PREX2: variants seen among roughly 807,000 people sequenced by gnomAD.
PREX2 encodes the protein phosphatidylinositol 3,4,5-trisphosphate-dependent Rac exchanger 2 protein.
A neutral mutation model predicts 203.2 loss-of-function variants in PREX2; 107 were observed. The ratio of observed to expected loss-of-function variants is 0.53; its 90% CI spans 0.45 to 0.62. The LOEUF (loss-of-function observed/expected upper bound fraction) is 0.62. PREX2 is among the 20% of genes least tolerant of loss of function. The pLI is 0.00. For missense variants in PREX2, 1,777 were observed against 1,955.9 expected (o/e 0.91, Z 1.72); for synonymous variants, 672 against 663.6 (o/e 1.01, Z -0.19).
intron 1 of PREX2, among the ~76,000 whole-genome samples, chr8:67,965,674 T>C (rs1222373159): frequency 2.0e-5 from 3 of 152,164 alleles, no homozygotes; most frequent in Non-Finnish European, 4.4e-5. Context: ...TGATCACTAT[T>C]CTTGAGAGTG....
At chr8:67,968,460 A>G (rs1420234125) in intron 1 of PREX2, among the ~76,000 whole-genome samples, 1 of 152,210 alleles carries the variant, frequency 6.6e-6, no homozygotes, top group Non-Finnish European at 1.5e-5. Context: ...AAATAGCTTT[A>G]TTACCATCAT....
intron 1 of PREX2, among the ~76,000 whole-genome samples, chr8:67,974,673 T>C (rs1216810008): frequency 6.6e-6 from 1 of 152,180 alleles, no homozygotes; most frequent in South Asian, 2.1e-4. Context: ...TGAGAATTTA[T>C]TTGGAACTCA....
chr8:68,044,332 A>G (rs1053393822), intron 7 of PREX2, among the ~76,000 whole-genome samples, 155 bp from the exon 8 acceptor site: 13 of 152,152 alleles, frequency 8.5e-5, no homozygotes, highest in African/African-American at 3.1e-4. Context: ...GCTGTTATGA[A>G]TGGGAGGACA....
At chr8:68,073,989 A>G (rs552137028) in intron 14 of PREX2, among the ~76,000 whole-genome samples, 1 of 151,110 alleles carries the variant, frequency 6.6e-6, no homozygotes, top group Non-Finnish European at 1.5e-5. Flanking sequence ...TTTTTTTTAG[A>G]CGAGTCTCAC....
chr8:68,053,083 C>A lies in PREX2; in HGVS notation c.944-14C>A. On this transcript the variant is annotated splice_polypyrimidine_tract_variant and intron_variant, in intron 8 of 39. Transcript: ENST00000288368. ...TTACATTTTGTTCATTTGCCTTTAC[C>A]CATTAATTTACAGCTGATTTCCATA... 1.2e-6 allele frequency: 2 copies of A among 1,605,362 alleles called. No homozygotes were observed. Among genetic ancestry groups the A allele is most frequent in the Non-Finnish European group, 1.7e-6 (2 of 1,174,862 alleles).
At chr8:68,004,138 G>GAGTCA (rs927916403) in intron 1 of PREX2, among the ~76,000 whole-genome samples, 2 of 152,174 alleles carry the variant, frequency 1.3e-5, no homozygotes, top group African/African-American at 4.8e-5. Context: ...AGCTGGAGCT[G>GAGTCA]AGTCAAGTGA....
chr8:68,107,284 T>G (rs1037437092), intron 23 of PREX2, among the ~76,000 whole-genome samples: 1 of 151,992 alleles, frequency 6.6e-6, no homozygotes, highest in Non-Finnish European at 1.5e-5. Context: ...AGTGAGTAGA[T>G]AGTGTGTGAG....
intron 37 of PREX2, among the ~76,000 whole-genome samples, chr8:68,199,251 C>T (rs1226639012): frequency 6.6e-6 from 1 of 152,190 alleles, no homozygotes; most frequent in Non-Finnish European, 1.5e-5. Flanking sequence ...ATTGGTAAAA[C>T]ACATAATAGT....
intron 1 of PREX2, among the ~76,000 whole-genome samples, chr8:68,006,035 T>C (rs1807083263): frequency 6.6e-6 from 1 of 152,234 alleles, no homozygotes; most frequent in Non-Finnish European, 1.5e-5. Flanking sequence ...TTGTTGAATA[T>C]GTGTTTTGAA....
intron 1 of PREX2, among the ~76,000 whole-genome samples, chr8:67,958,529 G>C (rs1805549319): frequency 6.6e-6 from 1 of 152,174 alleles, no homozygotes; most frequent in African/African-American, 2.4e-5. Context: ...AGAGAATTCT[G>C]TTGACAAGGT....
intron 25 of PREX2, among the ~76,000 whole-genome samples, chr8:68,111,581 C>G (rs1810535093): frequency 6.6e-6 from 1 of 152,086 alleles, no homozygotes; most frequent in South Asian, 2.1e-4. Context: ...CCCTGTTATT[C>G]TAAAAACCTC....
intron 10 of PREX2, among the ~76,000 whole-genome samples, chr8:68,057,201 G>T (rs1045977520): frequency 3.3e-5 from 5 of 152,032 alleles, no homozygotes; most frequent in East Asian, 1.9e-4. Context: ...TCCTTCACTC[G>T]CCTTCTCTCA....
chr8:67,980,274 G>A (rs1262694145), intron 1 of PREX2, among the ~76,000 whole-genome samples: 2 of 152,084 alleles, frequency 1.3e-5, no homozygotes, highest in Non-Finnish European at 2.9e-5. Context: ...GAGAAACTAA[G>A]AGCCTAGCCT....
At chr8:68,125,543 T>C (rs933692969) in intron 30 of PREX2, among the ~76,000 whole-genome samples, 5 of 152,140 alleles carry the variant, frequency 3.3e-5, no homozygotes, top group Admixed American at 1.3e-4. Context: ...GCAGAGAAGA[T>C]AGTGAATTAA....
chr8:68,123,734 C>G (rs1464029317), intron 30 of PREX2, among the ~76,000 whole-genome samples: 1 of 151,882 alleles, frequency 6.6e-6, no homozygotes, highest in Admixed American at 6.6e-5. Context: ...CCTGAACAGA[C>G]CTCCATAACA....
Position 68,231,347 on chromosome 8 carries a change from G to A in PREX2, c.4790G>A (p.Cys1597Tyr), listed in dbSNP as rs777006292. Residue 1597 changes from cysteine to tyrosine, a missense_variant, in exon 40 of 40, where the codon TGC (cysteine) becomes TAC (tyrosine). By Grantham distance (194) the Cys-to-Tyr change is radical. Transcript: ENST00000288368. ...GCCTTTTCTAGGCTGTACAAGCTGT[G>A]CGAGCCACCTCCCCCAGCTGGAGAA... ...PQSAPRLYKL[C>Y]EPPPPAGEE is the part of the protein sequence containing the mutation. The A allele has an allele frequency of 1.2e-6, 2 of 1,601,682 alleles. No homozygotes were observed. The highest frequency in any genetic ancestry group is 4.5e-5 in the East Asian group (2 of 44,016).
At chr8:68,147,061 A>G (rs1811342462) in intron 34 of PREX2, among the ~76,000 whole-genome samples, 1 of 152,066 alleles carries the variant, frequency 6.6e-6, no homozygotes, top group African/African-American at 2.4e-5. Flanking sequence ...CCTCTAGTCT[A>G]TTATTTCCCT....
chr8:68,102,008 GTGA>G (rs1414329375), intron 23 of PREX2, among the ~76,000 whole-genome samples: 12 of 152,174 alleles, frequency 7.9e-5, no homozygotes, highest in African/African-American at 2.7e-4. Flanking sequence ...ACCTTGGAAG[GTGA>G]GAAGTATGTT....
intron 1 of PREX2, among the ~76,000 whole-genome samples, chr8:67,996,892 A>G (rs1161682435): frequency 1.3e-5 from 2 of 152,146 alleles, no homozygotes; most frequent in Non-Finnish European, 2.9e-5. Context: ...AGTTAAAATG[A>G]TATTTCCTTC....
Sources: gnomAD v4.1 joint callset for allele counts (sites outside exome capture counted in the v4.1 genomes callset) on GRCh38, gnomAD v4.1.1 for gene constraint, MANE v1.5 for transcripts, NCBI Gene and HGNC (gene_info 2026-07-23, HGNC 2026-07-21) for gene names.